Variants in PTPRO observed in about 807,000 individuals in gnomAD.
PTPRO encodes protein tyrosine phosphatase receptor type O, also known as receptor-type tyrosine-protein phosphatase O.
In PTPRO, 62 loss-of-function variants were observed where a neutral mutation model predicts 145.2. That is an observed-to-expected ratio of 0.43 (90% confidence interval 0.35 to 0.53). PTPRO has a LOEUF of 0.53. Ranked by LOEUF, PTPRO falls within the 20% of genes least tolerant of loss-of-function variation. The pLI, the probability that PTPRO is intolerant of heterozygous loss-of-function variation, is 0.01. For synonymous variants in PTPRO, 565 were observed against 514.7 expected (o/e 1.10, Z -1.32); for missense variants, 1,345 against 1,482.7 (o/e 0.91, Z 1.53).
chr12:15,392,740 A>AAAAAAG (rs1565603952), intron 1 of PTPRO, among the ~76,000 whole-genome samples: 1 of 149,326 alleles, frequency 6.7e-6, no homozygotes, highest in Non-Finnish European at 1.5e-5. Context: ...AAAAAAAAAA[A>AAAAAAG]AAGAAGAAAA....
At chr12:15,556,482 A>C (rs1943628845) in intron 15 of PTPRO, among the ~76,000 whole-genome samples, 1 of 152,024 alleles carries the variant, frequency 6.6e-6, no homozygotes, top group African/African-American at 2.4e-5. Flanking sequence ...AGGCATGAGA[A>C]TATGTTTACT....
chr12:15,398,877 C>T (rs60167984), intron 1 of PTPRO, among the ~76,000 whole-genome samples: 21,003 of 152,026 alleles, frequency 0.14, 2,448 homozygotes, highest in African/African-American at 0.32. Context: ...TTTCTTAGTA[C>T]TTTTTCTCTT....
chr12:15,497,512 A>T (rs1942132231), intron 3 of PTPRO, 109 bp downstream of exon 3: 2 of 1,188,554 alleles, frequency 1.7e-6, no homozygotes, highest in Non-Finnish European at 2.5e-6. Flanking sequence ...TCACTATTTG[A>T]CCTATAAATG....
chr12:15,574,271 T>C (rs1034571918), intron 19 of PTPRO, among the ~76,000 whole-genome samples: 1 of 152,230 alleles, frequency 6.6e-6, no homozygotes, highest in Non-Finnish European at 1.5e-5. Context: ...GATAAAAATA[T>C]ACACCGTTCC....
intron 1 of PTPRO, among the ~76,000 whole-genome samples, chr12:15,330,229 C>T (rs1356081939): frequency 6.6e-6 from 1 of 152,106 alleles, no homozygotes; most frequent in Non-Finnish European, 1.5e-5. Flanking sequence ...TGAAATTATC[C>T]AATTAAGAGA....
At chr12:15,340,172 G>C (rs541840928) in intron 1 of PTPRO, among the ~76,000 whole-genome samples, 2 of 152,232 alleles carry the variant, frequency 1.3e-5, no homozygotes, top group East Asian at 3.9e-4. Flanking sequence ...AATCATTTCA[G>C]TAATGGGCAA....
intron 1 of PTPRO, among the ~76,000 whole-genome samples, chr12:15,418,933 A>T (rs889150504): frequency 2.0e-5 from 3 of 151,788 alleles, no homozygotes; most frequent in Non-Finnish European, 2.9e-5. Flanking sequence ...TTTAAATAAA[A>T]GTAGAAAAAT....
At chr12:15,559,555 G>T (rs7310583) in intron 16 of PTPRO, among the ~76,000 whole-genome samples, 1 of 152,108 alleles carries the variant, frequency 6.6e-6, no homozygotes, top group African/African-American at 2.4e-5. Flanking sequence ...TATCAGTGAG[G>T]TCACAGACTA....
At chr12:15,347,822 G>A (rs925383927) in intron 1 of PTPRO, among the ~76,000 whole-genome samples, 1 of 152,106 alleles carries the variant, frequency 6.6e-6, no homozygotes, top group African/African-American at 2.4e-5. Context: ...GCCCCATGCA[G>A]GGCAGAGATC....
intron 1 of PTPRO, among the ~76,000 whole-genome samples, chr12:15,428,453 G>T (rs1202109017): frequency 6.6e-6 from 1 of 152,094 alleles, no homozygotes; most frequent in African/African-American, 2.4e-5. Context: ...AAAATTGAAA[G>T]TATAGAGCTT....
At chr12:15,411,408 A>G (rs77056775) in intron 1 of PTPRO, among the ~76,000 whole-genome samples, 250 of 152,308 alleles carry the variant, frequency 1.6e-3, no homozygotes, top group African/African-American at 5.5e-3. Context: ...GAGCAGTCCC[A>G]TTTTTTACTT....
chr12:15,501,769 A>T lies in PTPRO; in HGVS notation c.811A>T (p.Thr271Ser). 6.2e-7 allele frequency: 1 copy of T among 1,614,096 alleles called. No homozygotes were observed. Among genetic ancestry groups the T allele is most frequent in the Non-Finnish European group, 8.5e-7 (1 of 1,180,006 alleles). The change falls in exon 5 of 27, where the codon ACC becomes TCC. Residue 271 changes from threonine (T) to serine (S), a missense_variant. Physicochemically the swap from Thr to Ser is moderately conservative, Grantham distance 58 (BLOSUM62 1). Coordinates refer to ENST00000281171, the MANE Select transcript of PTPRO (RefSeq NM_030667.3). The part of the protein sequence containing the change: ...KEKLFHFTEE[T>S]PEIPSGNISS... ...AAAACTCTTCCATTTTACAGAAGAA[A>T]CCCCTGAAATTCCCTCGGGCAACAT...
intron 1 of PTPRO, among the ~76,000 whole-genome samples, chr12:15,341,691 C>A (rs1866992135): frequency 6.6e-6 from 1 of 152,160 alleles, no homozygotes; most frequent in African/African-American, 2.4e-5. Context: ...GGGAAGAATT[C>A]TTGAATGTGC....
intron 1 of PTPRO, among the ~76,000 whole-genome samples, chr12:15,390,129 T>A (rs1321035212): frequency 6.6e-6 from 1 of 152,072 alleles, no homozygotes; most frequent in African/African-American, 2.4e-5. Context: ...ATGAAATAAG[T>A]TTGAGAACTA....
At chr12:15,485,934 T>C (rs934280853) in intron 2 of PTPRO, among the ~76,000 whole-genome samples, 1 of 152,178 alleles carries the variant, frequency 6.6e-6, no homozygotes, top group Admixed American at 6.6e-5. Flanking sequence ...AGAGAACATA[T>C]TTTATATGAT....
chr12:15,335,316 G>A (rs1866727642), intron 1 of PTPRO, among the ~76,000 whole-genome samples: 1 of 151,952 alleles, frequency 6.6e-6, no homozygotes, highest in South Asian at 2.1e-4. Flanking sequence ...AAGACCGAGG[G>A]AATGGTATAT....
intron 7 of PTPRO, among the ~76,000 whole-genome samples, chr12:15,511,515 A>G (rs1591668120): frequency 6.6e-6 from 1 of 152,374 alleles, no homozygotes; most frequent in East Asian, 1.9e-4. Flanking sequence ...TTTAAAAAGT[A>G]TAATATCCCT....
intron 1 of PTPRO, among the ~76,000 whole-genome samples, chr12:15,426,864 A>T (rs1940299639): frequency 6.6e-6 from 1 of 152,054 alleles, no homozygotes; most frequent in African/African-American, 2.4e-5. Flanking sequence ...TTATTTGCTC[A>T]ATCTGATAAT....
chr12:15,479,959 C>G (rs998360799), intron 1 of PTPRO, among the ~76,000 whole-genome samples: 3 of 152,202 alleles, frequency 2.0e-5, no homozygotes, highest in Non-Finnish European at 4.4e-5. Context: ...CGGCACACTA[C>G]TTGAGCCCTA....
Sources: gnomAD v4.1 joint callset for allele counts (sites outside exome capture counted in the v4.1 genomes callset) on GRCh38, gnomAD v4.1.1 for gene constraint, MANE v1.5 for transcripts, NCBI Gene and HGNC (gene_info 2026-07-23, HGNC 2026-07-21) for gene names.